LIMS2: variants seen among roughly 807,000 people sequenced by gnomAD.
LIMS2 encodes the protein LIM zinc finger domain containing 2.
In LIMS2, 30 loss-of-function variants were observed where a neutral mutation model predicts 45.3. The observed-to-expected ratio is 0.66, with a 90% CI of 0.50 to 0.90. The LOEUF (loss-of-function observed/expected upper bound fraction) is 0.90. LIMS2 is among the 40% of genes least tolerant of loss of function. LIMS2 has a pLI of 0.00. For missense variants in LIMS2, 485 were observed against 468.7 expected (o/e 1.03, Z -0.32); for synonymous variants, 173 against 188.0 (o/e 0.92, Z 0.65).
At position 127,642,969 on chromosome 2, in the gene LIMS2, T is replaced by G; in HGVS notation, c.463A>C (p.Arg155=). 1.3e-6 allele frequency: 2 copies of G among 1,571,478 alleles called. No individual in the cohort carries two copies. The highest frequency in any genetic ancestry group is 1.7e-6 in the Non-Finnish European group (2 of 1,158,380). The change falls in exon 5 of 10, where the codon AGG becomes CGG. Residue 155 remains arginine (R), a synonymous_variant. Coordinates refer to ENST00000355119, the MANE Select transcript of LIMS2 (RefSeq NM_001161403.3). This position sits in a 1 kb window ranked among gnomAD's most constrained non-coding sequence, Gnocchi z 5.3. Reference sequence around the variant, plus strand: ...TGGTCAGGGTGGTAGGCGTCGCTCCTGAACATGAGGGGCTGCTCGTCGATG... The same window carrying G: ...TGGTCAGGGTGGTAGGCGTCGCTCCGGAACATGAGGGGCTGCTCGTCGATG... ...LVIDEQPLMF[R]SDAYHPDHFN...
chr2:127,640,094 G>A lies in LIMS2; in HGVS notation c.854C>T (p.Thr285Ile). The change falls in exon 9 of 10, where the codon ACC becomes ATC. Residue 285 changes from threonine to isoleucine, a missense_variant. Thr to Ile is a moderately conservative substitution (Grantham distance 89). Coordinates refer to ENST00000355119, the MANE Select transcript of LIMS2 (RefSeq NM_001161403.3). The stretch of plus-strand genomic sequence containing the variant: ...CTTCAGGGTGAGCTTGCTGTTGCAG[G>A]TGGAGCAGGAGAAGCAGCTCACACA... Reference protein sequence around the residue: ...AWCVSCFSCSTCNSKLTLKNK... With the variant: ...AWCVSCFSCSICNSKLTLKNK... 4 of 1,613,538 alleles carry A rather than the reference G, an allele frequency of 2.5e-6. No homozygotes were observed. The highest frequency in any genetic ancestry group is 3.4e-6 in the Non-Finnish European group (4 of 1,180,000).
chr2:127,668,982 C>T (rs969535018), intron 1 of LIMS2, among the ~76,000 whole-genome samples: 1 of 152,018 alleles, frequency 6.6e-6, no homozygotes, highest in African/African-American at 2.4e-5. Context: ...GTTCCAGCTA[C>T]TCAGGAGGCT....
intron 9 of LIMS2, among the ~76,000 whole-genome samples, chr2:127,639,751 G>A (rs911199831): frequency 3.3e-5 from 5 of 152,206 alleles, no homozygotes; most frequent in Admixed American, 2.0e-4. Flanking sequence ...TGGATGAGCA[G>A]CTGACACTGC....
At chr2:127,660,460 C>T (rs545995732) in intron 1 of LIMS2, among the ~76,000 whole-genome samples, 8 of 152,286 alleles carry the variant, frequency 5.3e-5, no homozygotes, top group Non-Finnish European at 7.4e-5. Flanking sequence ...CTGAAGCCAG[C>T]GAGACCATGA....
chr2:127,650,296 C>T (rs1683595462), intron 4 of LIMS2: 1 of 578,938 alleles, frequency 1.7e-6, no homozygotes, highest in Non-Finnish European at 3.1e-6. Flanking sequence ...AGCTGGAATC[C>T]CGGAGACACA....
chr2:127,649,847 A>G lies in LIMS2; in HGVS notation c.359+4577T>C. 3 of 637,304 alleles carry G rather than the reference A, an allele frequency of 4.7e-6. No individual in the cohort carries two copies. The South Asian group carries it at 5.8e-5, about 12-fold the overall frequency. The allele number at this position is 637,304 out of a possible 1,614,324, so 39.5% of individuals were successfully genotyped here. ...TCTCTGGGGCTGCAGATCCGTCCTC[A>G]ACAGCGCTGGCCAGTGTCTCTGACG... On this transcript the variant is annotated intron_variant, in intron 4 of 9. Coordinates refer to ENST00000355119, the MANE Select transcript of LIMS2 (RefSeq NM_001161403.3).
chr2:127,642,361 T>G lies in LIMS2; in HGVS notation c.510-162A>C. 1 of 763,588 alleles carries G rather than the reference T, an allele frequency of 1.3e-6. No homozygotes were observed. Among genetic ancestry groups the G allele is most frequent in the Non-Finnish European group, 2.0e-6 (1 of 500,910 alleles). The allele number at this position is 763,588 out of a possible 1,614,324, so 47.3% of individuals were successfully genotyped here. ...ATCTCTGGGCACTTTGAAGACTTCC[T>G]GTGCCCCAGACAGGCCCTGGAGCAC... On this transcript the variant is annotated intron_variant, in intron 5 of 9. Coordinates refer to ENST00000355119, the MANE Select transcript of LIMS2 (RefSeq NM_001161403.3). The surrounding 1 kb of genome is among the most constrained non-coding windows in gnomAD (Gnocchi z 5.3).
intron 1 of LIMS2, among the ~76,000 whole-genome samples, chr2:127,660,811 C>T (rs1290437322): frequency 6.6e-6 from 1 of 152,064 alleles, no homozygotes; most frequent in Non-Finnish European, 1.5e-5. Context: ...GCTCATCTTC[C>T]AGTTAGACCT....
chr2:127,654,272 G>T, intron 4 of LIMS2, 152 bp downstream of exon 4: 1 of 1,041,696 alleles, frequency 9.6e-7, no homozygotes. Context: ...TCCGCCCCGG[G>T]GTGACCTGGA....
At chr2:127,640,235 G>GC in intron 8 of LIMS2, 35 bp downstream of exon 8, 1 of 1,612,744 alleles carries the variant, frequency 6.2e-7, no homozygotes, top group Non-Finnish European at 8.5e-7. Context: ...CCCCAGGAGA[G>GC]CAGGTGGGGT....
upstream of LIMS2, among the ~76,000 whole-genome samples, chr2:127,679,520 A>T: frequency 6.6e-6 from 1 of 152,062 alleles, no homozygotes; most frequent in Non-Finnish European, 1.5e-5. This position sits in a 1 kb window ranked among gnomAD's most constrained non-coding sequence, Gnocchi z 5.3. Flanking sequence ...AAGGAGGTGC[A>T]GCATCTCCCT....
At position 127,660,333 on chromosome 2, in the gene LIMS2, T is replaced by A. The variant is rs1343820816; in HGVS notation, c.12-2771A>T. Among the ~76,000 whole-genome samples, 8 of 152,160 alleles carry A rather than the reference T, an allele frequency of 5.3e-5. No individual in the cohort carries two copies. The South Asian group carries it at 6.2e-4, about 12-fold the overall frequency. On this transcript the variant is annotated intron_variant, in intron 1 of 9. Coordinates refer to ENST00000355119, the MANE Select transcript of LIMS2 (RefSeq NM_001161403.3). ...AGCAACCAGTTGGGGTTCCTTTGCT[T>A]GGTGTGGAAAGTTTGTTCTTTTGCT... is the stretch of plus-strand genomic sequence containing the variant.
rs1038102408 is a variant in LIMS2, at chr2:127,664,209, C to T, written c.12-6647G>A. ...GACGCCGGGGCAGAGCCCACGGCGTCGGAGGGCCCCGGTCGGGTTTCCGAG... is the reference window on the plus strand; with the variant it reads ...GACGCCGGGGCAGAGCCCACGGCGTTGGAGGGCCCCGGTCGGGTTTCCGAG... On this transcript the variant is annotated intron_variant, in intron 1 of 9. Transcript: ENST00000355119. The surrounding 1 kb of genome is among the most constrained non-coding windows in gnomAD (Gnocchi z 5.5). 1.7e-5 allele frequency: 18 copies of T among 1,048,546 alleles called. No homozygotes were observed. Among genetic ancestry groups the T allele is most frequent in the East Asian group, 1.2e-4 (3 of 25,676 alleles). The allele number at this position is 1,048,546 out of a possible 1,614,324, so 65.0% of individuals were successfully genotyped here. A position where few individuals can be genotyped will look rare whatever the true frequency, so the allele number is the denominator to read the frequency against.
intron 1 of LIMS2, chr2:127,674,781 G>A: frequency 4.1e-6 from 4 of 985,422 alleles, no homozygotes; most frequent in Non-Finnish European, 4.8e-6. Flanking sequence ...GCAGCGGGCG[G>A]GTGGGCAGGA....
In LIMS2 at chr2:127,642,116, C is replaced by A. The variant is rs776814498; in HGVS notation, c.593G>T (p.Cys198Phe). 1 of 1,607,936 alleles carries A rather than the reference C, an allele frequency of 6.2e-7. No homozygotes were observed. ...PCHDKMGVPI[C>F]GACRRPIEGR... ...CTCGATGGGCCGGCGGCAGGCCCCG[C>A]AGATGGGGACGCCCATCTTGTCATG... is the stretch of plus-strand genomic sequence containing the variant. The change falls in exon 6 of 10, where the codon TGC becomes TTC. Residue 198 changes from cysteine (C) to phenylalanine (F), a missense_variant. Coordinates refer to ENST00000355119, the MANE Select transcript of LIMS2 (RefSeq NM_001161403.3). The surrounding 1 kb of genome is among the most constrained non-coding windows in gnomAD (Gnocchi z 5.3).
At chr2:127,648,050 G>T in intron 4 of LIMS2, 1 of 985,762 alleles carries the variant, frequency 1.0e-6, no homozygotes, top group Non-Finnish European at 1.2e-6. Flanking sequence ...GCCTTCTTCG[G>T]CCCTCAGCTC....
chr2:127,650,895 T>C (rs764403175), intron 4 of LIMS2: 15 of 1,614,082 alleles, frequency 9.3e-6, no homozygotes, highest in Non-Finnish European at 1.3e-5. Context: ...CCTGGCTCTG[T>C]GGCTTTTCAT....
At chr2:127,662,947 G>A (rs1378044977) in intron 1 of LIMS2, among the ~76,000 whole-genome samples, 2 of 152,148 alleles carry the variant, frequency 1.3e-5, no homozygotes, top group Non-Finnish European at 2.9e-5. Flanking sequence ...TGCTCTAGTG[G>A]CTTTTCTTTT....
At chr2:127,651,856 T>C in intron 4 of LIMS2, 2 of 1,118,186 alleles carry the variant, frequency 1.8e-6, no homozygotes, top group African/African-American at 1.6e-5. Flanking sequence ...GCAAGCAACC[T>C]GAAATCTCAG....
Sources: allele counts gnomAD v4.1 joint callset (sites outside exome capture counted in the v4.1 genomes callset), GRCh38; gene constraint gnomAD v4.1.1; non-coding constraint Gnocchi (gnomAD v3.1); transcripts MANE v1.5; gene names NCBI Gene and HGNC (gene_info 2026-07-23, HGNC 2026-07-21).